TRPA1: variants seen among roughly 807,000 people sequenced by gnomAD.
The protein encoded by TRPA1 is ankyrin-like with transmembrane domains 1.
In TRPA1, 129 loss-of-function variants were observed where a neutral mutation model predicts 131.3. The observed-to-expected ratio is 0.98, with a 90% CI of 0.85 to 1.14. The LOEUF (loss-of-function observed/expected upper bound fraction) is 1.14. Ranked by LOEUF, TRPA1 falls within the 50% of genes most tolerant of loss-of-function variation. TRPA1 has a pLI of 0.00. For missense variants in TRPA1, 1,304 were observed against 1,354.2 expected (o/e 0.96, Z 0.58); for synonymous variants, 441 against 451.7 (o/e 0.98, Z 0.30).
At chr8:72,038,610 C>T (rs561405172) in intron 19 of TRPA1, among the ~76,000 whole-genome samples, 2 of 152,102 alleles carry the variant, frequency 1.3e-5, no homozygotes, top group Non-Finnish European at 2.9e-5. Context: ...AAGTTTTACA[C>T]TTCAGTATTT....
chr8:72,068,745 A>G (rs2129436547), intron 3 of TRPA1, among the ~76,000 whole-genome samples: 1 of 152,350 alleles, frequency 6.6e-6, no homozygotes, highest in African/African-American at 2.4e-5. Flanking sequence ...TACTAGTGGA[A>G]TTACTTCATA....
In TRPA1 at chr8:72,025,890, G is replaced by C. The variant is rs1318154207; in HGVS notation, c.3051+70C>G. ...CAAAGTCTATAAAAGGGCCCCCTTA[G>C]GGTTAACACAATGAATGAATGTCAA... On this transcript the variant is annotated intron_variant, in intron 25 of 26. Coordinates refer to ENST00000262209, the MANE Select transcript of TRPA1 (RefSeq NM_007332.3). 5.2e-6 allele frequency: 7 copies of C among 1,345,686 alleles called. No individual in the cohort carries two copies. In the African/African-American group the frequency reaches 8.6e-5, roughly 17 times the overall value. 83.4% of individuals were successfully genotyped at this position (1,345,686 alleles called of 1,614,324 possible).
upstream of TRPA1, among the ~76,000 whole-genome samples, chr8:72,077,128 G>A (rs191181408): frequency 7.9e-5 from 12 of 152,134 alleles, no homozygotes; most frequent in East Asian, 2.3e-3. Flanking sequence ...TATTTTGATC[G>A]ATTGCTTTTC....
Position 72,055,875 on chromosome 8 carries a change from T to C in TRPA1, c.1195-20A>G. On this transcript the variant is annotated intron_variant, in intron 10 of 26. Transcript: ENST00000262209. ...TTGCATCTATAGGAAAAAATTAATA[T>C]CATACAAATAACTCTGCTATTATGC... The C allele has an allele frequency of 6.2e-7, 1 of 1,611,384 alleles. No homozygotes were observed.
intron 25 of TRPA1, among the ~76,000 whole-genome samples, chr8:72,025,105 CGTGT>C (rs71265963): frequency 0.089 from 10,692 of 120,078 alleles, 458 homozygotes; most frequent in Middle Eastern, 0.18. Context: ...TGTGTGTGTT[CGTGT>C]GTGTGTGTGT....
In TRPA1 at chr8:72,065,962, G is replaced by A. The variant is rs551887324; in HGVS notation, c.445-404C>T. 3.9e-5 allele frequency among the ~76,000 whole-genome samples: 6 copies of A among 152,184 alleles called. No individual in the cohort carries two copies. In the East Asian group the frequency reaches 1.2e-3, roughly 29 times the overall value. ...AGGGGGAAGAGAGGTAGGGAAGAAG[G>A]AAGAGAGTAAAAGAGAGAGAAAGAA... On this transcript the variant is annotated intron_variant, in intron 3 of 26. Coordinates refer to ENST00000262209, the MANE Select transcript of TRPA1 (RefSeq NM_007332.3).
intron 21 of TRPA1, among the ~76,000 whole-genome samples, chr8:72,035,766 G>C (rs183758091): frequency 9.9e-5 from 15 of 151,986 alleles, no homozygotes; most frequent in African/African-American, 3.6e-4. Context: ...AATAATATCA[G>C]GTAAAACAAG....
chr8:72,076,631 T>G (rs1806191933), upstream of TRPA1: 1 of 152,338 alleles, frequency 6.6e-6, no homozygotes, highest in Admixed American at 6.5e-5. Flanking sequence ...AGCAACGGTT[T>G]GTGGACTCTC....
At position 72,061,721 on chromosome 8, in the gene TRPA1, C is replaced by T. The variant is rs962446963; in HGVS notation, c.848G>A (p.Gly283Glu). ...CTAIHFAATQ[G>E]ATEIVKLMIS... ...CATCAGTTTAACAATCTCAGTGGCT[C>T]CCTGGGTGGCAGCAAAATGAATGGC... The change falls in exon 7 of 27, where the codon GGA (glycine) becomes GAA (glutamate). Residue 283 changes from glycine to glutamate, a missense_variant. By Grantham distance (98) the Gly-to-Glu change is moderately conservative. Transcript: ENST00000262209. 1.2e-6 allele frequency: 2 copies of T among 1,613,870 alleles called. No individual in the cohort carries two copies. The highest frequency in any genetic ancestry group is 2.7e-5 in the African/African-American group (2 of 74,910).
chr8:72,078,154 T>C (rs935427464), upstream of TRPA1, among the ~76,000 whole-genome samples: 3 of 151,916 alleles, frequency 2.0e-5, no homozygotes, highest in African/African-American at 7.2e-5. Flanking sequence ...TGTTTATAAA[T>C]TAATTATAAA....
chr8:72,033,656 G>A lies in TRPA1; in HGVS notation c.2856C>T (p.Leu952=), dbSNP rs1585843839. The change falls in exon 23 of 27, where the codon CTC becomes CTT. Residue 952 remains leucine, a synonymous_variant. Coordinates refer to ENST00000262209, the MANE Select transcript of TRPA1 (RefSeq NM_007332.3). ...AAAAACTACTTACAAGTAAATTCAT[G>A]AGGACAATTGGGACAAATATTGTGA... ...VSFTIFVPIV[L]MNLLIGLAVG... The A allele has an allele frequency of 1.9e-6, 3 of 1,613,518 alleles. No homozygotes were observed. The highest frequency in any genetic ancestry group is 2.5e-6 in the Non-Finnish European group (3 of 1,179,738).
chr8:72,026,859 T>C (rs1035806153), intron 24 of TRPA1, among the ~76,000 whole-genome samples: 1 of 152,184 alleles, frequency 6.6e-6, no homozygotes, highest in Non-Finnish European at 1.5e-5. Context: ...TAGTGATTTA[T>C]AGCCATAAAT....
In TRPA1 at chr8:72,069,008, G is replaced by A. The variant is rs201371233; in HGVS notation, c.444+15C>T. The A allele has an allele frequency of 2.2e-4, 361 of 1,614,112 alleles. No homozygotes were observed. The African/African-American group carries it at 4.1e-3, about 18-fold the overall frequency. On this transcript the variant is annotated intron_variant, in intron 3 of 26. Coordinates refer to ENST00000262209, the MANE Select transcript of TRPA1 (RefSeq NM_007332.3). ...ACCGCCGGTCAGGCCCTTTGGAGCC[G>A]GCCAGTAGCCTTACCTTCATCACCT...
Position 72,036,325 on chromosome 8 carries a change from A to G in TRPA1, c.2518T>C (p.Tyr840His). Residue 840 changes from tyrosine (Y) to histidine (H), a missense_variant, in exon 21 of 27, where the codon TAC (tyrosine) becomes CAC (histidine). Tyr to His is a moderately conservative substitution (Grantham distance 83). Transcript: ENST00000262209. ...LQWQCGAIAV[Y>H]FYWMNFLLYL... ...AATAAGAAATTCATCCAATAGAAGT[A>G]AACAGCAATTGCTCCACATTGCCAC... The G allele has an allele frequency of 6.2e-7, 1 of 1,614,176 alleles. No individual in the cohort carries two copies. Among genetic ancestry groups the G allele is most frequent in the Non-Finnish European group, 8.5e-7 (1 of 1,180,016 alleles).
At position 72,065,565 on chromosome 8, in the gene TRPA1, A is replaced by T. The variant is rs1805912280; in HGVS notation, c.445-7T>A. ...TTCTATGCTCAAGCAAGACCTAAAA[A>T]AAGGGGAGAATAATTGTCAAAATTT... On this transcript the variant is annotated splice_region_variant and splice_polypyrimidine_tract_variant and intron_variant, in intron 3 of 26. Transcript: ENST00000262209. 2 of 1,609,936 alleles carry T rather than the reference A, an allele frequency of 1.2e-6. No homozygotes were observed. Among genetic ancestry groups the T allele is most frequent in the Non-Finnish European group, 1.7e-6 (2 of 1,176,858 alleles).
At chr8:72,030,079 G>C (rs181868978) in intron 23 of TRPA1, 110 bp from the exon 24 acceptor site, 12 of 1,025,678 alleles carry the variant, frequency 1.2e-5, no homozygotes, top group Non-Finnish European at 1.8e-5. Context: ...TTTTAGTCTG[G>C]GTAGTGTATA....
chr8:72,022,894 A>C lies in TRPA1; in HGVS notation c.*12T>G, dbSNP rs376906516. 169 of 1,611,456 alleles carry C rather than the reference A, an allele frequency of 1.0e-4. 1 individual carries two copies. The highest frequency in any genetic ancestry group is 1.3e-4 in the Non-Finnish European group (157 of 1,178,018). The stretch of plus-strand genomic sequence containing the variant: ...CACCCCCCATTAGAAGCCTCACTGA[A>C]GGTCTGAGGAGCTAAGGCTCAAGAT... On this transcript the variant is annotated 3_prime_UTR_variant, in exon 27 of 27. Transcript: ENST00000262209.
rs192238911 is a variant in TRPA1, at chr8:72,057,195, C to G, written c.1094-178G>C. On this transcript the variant is annotated intron_variant, in intron 9 of 26. Coordinates refer to ENST00000262209, the MANE Select transcript of TRPA1 (RefSeq NM_007332.3). Reference sequence around the variant, plus strand: ...TTTAAAATCAGGTTTAACTTACTCTCTGTGTGTGTGTGTGTCTGTATGTGT... The same window carrying G: ...TTTAAAATCAGGTTTAACTTACTCTGTGTGTGTGTGTGTGTCTGTATGTGT... Among the ~76,000 whole-genome samples, 921 of 151,766 alleles carry G rather than the reference C, an allele frequency of 6.1e-3. 13 individuals are homozygous for G. The highest frequency in any genetic ancestry group is 0.02 in the African/African-American group (819 of 41,430).
At chr8:72,036,645 A>C (rs2129433716) in intron 20 of TRPA1, among the ~76,000 whole-genome samples, 188 bp from the exon 21 acceptor site, 1 of 152,284 alleles carries the variant, frequency 6.6e-6, no homozygotes, top group South Asian at 2.1e-4. Flanking sequence ...TCGGTGTTGG[A>C]GATGGCCCAG....
Sources: allele counts gnomAD v4.1 joint callset (sites outside exome capture counted in the v4.1 genomes callset), GRCh38; gene constraint gnomAD v4.1.1; transcripts MANE v1.5; gene names NCBI Gene and HGNC (gene_info 2026-07-23, HGNC 2026-07-21).